GMDS: variants seen among roughly 807,000 people sequenced by gnomAD.
The protein encoded by GMDS is GDP-mannose 4,6-dehydratase.
GMDS carries 20 observed loss-of-function variants against 49.9 expected under a neutral mutation model. The observed-to-expected ratio is 0.40, with a 90% CI of 0.28 to 0.58. GMDS has a LOEUF of 0.58. Ranked by LOEUF, GMDS falls within the 20% of genes least tolerant of loss-of-function variation. GMDS has a pLI of 0.42. For synonymous variants in GMDS, 177 were observed against 178.6 expected, an observed-to-expected ratio of 0.99 and a Z score of 0.07; for missense variants, 362 against 481.4, an observed-to-expected ratio of 0.75 and a Z score of 2.32.
chr6:1,678,855 A>G (rs1764701345), intron 9 of GMDS, among the ~76,000 whole-genome samples: 1 of 152,230 alleles, frequency 6.6e-6, no homozygotes, highest in African/African-American at 2.4e-5. Flanking sequence ...CTTTTACACA[A>G]GTAATGGAAC....
At chr6:2,047,337 C>A (rs918291382) in intron 4 of GMDS, among the ~76,000 whole-genome samples, 2 of 152,126 alleles carry the variant, frequency 1.3e-5, no homozygotes, top group Non-Finnish European at 2.9e-5. Flanking sequence ...TTTACCTTAA[C>A]AACGAACAAG....
chr6:1,920,937 T>C (rs1436733740), intron 7 of GMDS, among the ~76,000 whole-genome samples: 1 of 152,208 alleles, frequency 6.6e-6, no homozygotes, highest in Non-Finnish European at 1.5e-5. Context: ...CTCTCAAGAC[T>C]AGCACCATGA....
chr6:2,092,759 A>T (rs1440839266), intron 4 of GMDS, among the ~76,000 whole-genome samples: 1 of 152,206 alleles, frequency 6.6e-6, no homozygotes, highest in Non-Finnish European at 1.5e-5. Context: ...AGAACTAGAA[A>T]GACTCAGAAT....
chr6:1,794,543 T>G (rs1769664546), intron 7 of GMDS, among the ~76,000 whole-genome samples: 1 of 152,146 alleles, frequency 6.6e-6, no homozygotes, highest in South Asian at 2.1e-4. Context: ...CTGCAGAAAA[T>G]GTACTAGCCT....
intron 2 of GMDS, among the ~76,000 whole-genome samples, chr6:2,117,916 G>A (rs956487002): frequency 6.6e-6 from 1 of 152,082 alleles, no homozygotes; most frequent in East Asian, 1.9e-4. Flanking sequence ...AGGCCGTGTC[G>A]GTAAAACAGC....
At chr6:1,772,356 C>G (rs2113583563) in intron 7 of GMDS, among the ~76,000 whole-genome samples, 1 of 152,288 alleles carries the variant, frequency 6.6e-6, no homozygotes, top group East Asian at 1.9e-4. Flanking sequence ...TTTCCTGAGT[C>G]CTTTCTTTTA....
In GMDS at chr6:1,778,409, G is replaced by C. The variant is rs1768928471; in HGVS notation, c.772-35823C>G. ...ATGAGCTGATGTTAAAGGTTCAGTGGAGACAGCAGACGAGTGGAACGGCGG... is the reference window on the plus strand; with the variant it reads ...ATGAGCTGATGTTAAAGGTTCAGTGCAGACAGCAGACGAGTGGAACGGCGG... On this transcript the variant is annotated intron_variant, in intron 7 of 10. Coordinates refer to ENST00000380815, the MANE Select transcript of GMDS (RefSeq NM_001500.4). This position sits in a 1 kb window ranked among gnomAD's most constrained non-coding sequence, Gnocchi z 4.6. Among the ~76,000 whole-genome samples, 1 of 152,200 alleles carries C rather than the reference G, an allele frequency of 6.6e-6. No homozygotes were observed. Among genetic ancestry groups the C allele is most frequent in the Non-Finnish European group, 1.5e-5 (1 of 68,040 alleles).
At chr6:1,856,579 T>C (rs1351765356) in intron 7 of GMDS, among the ~76,000 whole-genome samples, 1 of 152,228 alleles carries the variant, frequency 6.6e-6, no homozygotes, top group Non-Finnish European at 1.5e-5. Context: ...GCCCCAGCTT[T>C]GCTCAAGACA....
intron 1 of GMDS, among the ~76,000 whole-genome samples, chr6:2,188,551 G>C (rs1034932221): frequency 6.6e-6 from 1 of 152,200 alleles, no homozygotes; most frequent in Non-Finnish European, 1.5e-5. Context: ...CAGCAATGAA[G>C]TATGTTCCAG....
At chr6:1,930,474 G>T (rs1242773829) in intron 6 of GMDS, 2 of 359,760 alleles carry the variant, frequency 5.6e-6, no homozygotes, top group Non-Finnish European at 5.0e-6. Flanking sequence ...TTCTTTGGGG[G>T]ACATCTTAAC....
intron 1 of GMDS, among the ~76,000 whole-genome samples, chr6:2,198,890 G>A (rs1294307000): frequency 6.6e-6 from 1 of 151,824 alleles, no homozygotes; most frequent in Non-Finnish European, 1.5e-5. Flanking sequence ...TGGTTAGAAT[G>A]AGAACAGGTA....
intron 7 of GMDS, among the ~76,000 whole-genome samples, chr6:1,913,543 G>A (rs1171164657): frequency 1.3e-5 from 2 of 152,178 alleles, no homozygotes; most frequent in African/African-American, 4.8e-5. Flanking sequence ...ATAGAAGGGT[G>A]TGATTTGTTT....
chr6:2,006,305 G>A (rs747247920), intron 4 of GMDS, among the ~76,000 whole-genome samples: 15 of 151,480 alleles, frequency 9.9e-5, no homozygotes, highest in Non-Finnish European at 2.1e-4. Context: ...GCCCATGTCT[G>A]TAGTCCCAGC....
intron 4 of GMDS, among the ~76,000 whole-genome samples, chr6:1,999,825 T>C (rs1177336749): frequency 7.2e-6 from 1 of 139,762 alleles, no homozygotes; most frequent in Non-Finnish European, 1.5e-5. Context: ...GACATTCTTA[T>C]CTGTTGCCAT....
rs542203617 is a variant in GMDS at position 1,878,141 on chromosome 6, G to A, written c.771+51962C>T. On this transcript the variant is annotated intron_variant, in intron 7 of 10. Coordinates refer to ENST00000380815, the MANE Select transcript of GMDS (RefSeq NM_001500.4). ...ATCCTGGCTAACATGGTGAAACCCC[G>A]TCTCTACTAAAAATACACAAAAAAT... Among the ~76,000 whole-genome samples the A allele has an allele frequency of 7.8e-3, 1,186 of 151,888 alleles. 7 individuals carry two copies. Among genetic ancestry groups the A allele is most frequent in the Non-Finnish European group, 0.014 (936 of 67,942 alleles).
intron 4 of GMDS, among the ~76,000 whole-genome samples, chr6:2,024,463 CAA>C (rs1484901543): frequency 3.3e-5 from 5 of 151,942 alleles, no homozygotes; most frequent in South Asian, 2.1e-4. Context: ...GAAAGGCAAA[CAA>C]GAGAGAATGA....
At chr6:2,072,292 A>C (rs574950172) in intron 4 of GMDS, among the ~76,000 whole-genome samples, 3 of 152,342 alleles carry the variant, frequency 2.0e-5, no homozygotes, top group African/African-American at 7.2e-5. Flanking sequence ...AATCTCCTTT[A>C]CCTTCAATAC....
chr6:2,237,329 G>T (rs567069249), intron 1 of GMDS, among the ~76,000 whole-genome samples: 21 of 152,256 alleles, frequency 1.4e-4, no homozygotes, highest in African/African-American at 4.6e-4. Context: ...GAACATTACT[G>T]ATAATCAGCT....
intron 9 of GMDS, among the ~76,000 whole-genome samples, chr6:1,656,243 C>A (rs769988440): frequency 6.6e-6 from 1 of 152,194 alleles, no homozygotes; most frequent in Non-Finnish European, 1.5e-5. Flanking sequence ...AGTCAGTGGT[C>A]TCCTGGCCCC....
Sources: allele counts gnomAD v4.1 joint callset (sites outside exome capture counted in the v4.1 genomes callset), GRCh38; gene constraint gnomAD v4.1.1; non-coding constraint Gnocchi (gnomAD v3.1); transcripts MANE v1.5; gene names NCBI Gene and HGNC (gene_info 2026-07-23, HGNC 2026-07-21).